CSMD1: variants seen among roughly 807,000 people sequenced by gnomAD.
The protein encoded by CSMD1 is CUB and sushi domain-containing protein 1.
A neutral mutation model predicts 417.5 loss-of-function variants in CSMD1; 213 were observed. The observed-to-expected ratio is 0.51, with a 90% CI of 0.46 to 0.57. The LOEUF (loss-of-function observed/expected upper bound fraction) is 0.57. Among genes scored for constraint, CSMD1 ranks in the 20% least tolerant of loss-of-function variants. CSMD1 has a pLI of 0.00. For missense variants in CSMD1, 6,923 were observed against 4,529.7 expected (o/e 1.53, Z -15.17); for synonymous variants, 2,862 against 1,736.8 (o/e 1.65, Z -16.11).
intron 7 of CSMD1, among the ~76,000 whole-genome samples, chr8:3,666,536 G>A (rs1368940151): frequency 2.0e-5 from 3 of 152,118 alleles, no homozygotes; most frequent in East Asian, 3.9e-4. Context: ...TTTTTTGAAA[G>A]CTGCCTGATA....
At chr8:3,825,390 G>A (rs1281037955) in intron 5 of CSMD1, among the ~76,000 whole-genome samples, 2 of 152,126 alleles carry the variant, frequency 1.3e-5, no homozygotes, top group Non-Finnish European at 1.5e-5. Context: ...TTAGCCAGGG[G>A]TGGTGGTAGG....
chr8:4,588,602 C>T (rs535778858), intron 2 of CSMD1, among the ~76,000 whole-genome samples: 2 of 151,866 alleles, frequency 1.3e-5, no homozygotes, highest in East Asian at 3.9e-4. Context: ...CTGGTTAACA[C>T]GGTGAAACCC....
chr8:4,194,009 T>A (rs986877166), intron 3 of CSMD1, among the ~76,000 whole-genome samples: 5 of 152,158 alleles, frequency 3.3e-5, no homozygotes, highest in African/African-American at 1.2e-4. Flanking sequence ...CCCTTCATAA[T>A]GTTTTTGATA....
chr8:3,658,078 A>G (rs1185204872), intron 7 of CSMD1, among the ~76,000 whole-genome samples: 2 of 152,210 alleles, frequency 1.3e-5, no homozygotes, highest in South Asian at 4.1e-4. Context: ...GGCATTCAGC[A>G]CTGATTATCA....
chr8:4,476,195 A>C (rs1800794664), intron 2 of CSMD1, among the ~76,000 whole-genome samples: 1 of 152,168 alleles, frequency 6.6e-6, no homozygotes, highest in Non-Finnish European at 1.5e-5. Flanking sequence ...CATAACTGAT[A>C]ATTTCTTTTT....
At chr8:4,747,473 A>G (rs1811033996) in intron 1 of CSMD1, among the ~76,000 whole-genome samples, 2 of 152,194 alleles carry the variant, frequency 1.3e-5, no homozygotes, top group African/African-American at 4.8e-5. Context: ...GAAAGAGAAG[A>G]GAAAATGCCC....
At position 3,634,740 on chromosome 8, in the gene CSMD1, G is replaced by A. The variant is rs1163380620; in HGVS notation, c.1010-17943C>T. ...ACTCAGCCTTTCTGGATTGAGCCAT[G>A]ATTAAGGCACACAGTTTGATTGCTT... On this transcript the variant is annotated intron_variant, in intron 7 of 69. Transcript: ENST00000635120. 3.3e-5 allele frequency among the ~76,000 whole-genome samples: 5 copies of A among 152,270 alleles called. 1 individual carries two copies. The highest frequency in any genetic ancestry group is 3.9e-4 in the East Asian group (2 of 5,170).
At chr8:3,475,151 A>T (rs1817332978) in intron 11 of CSMD1, among the ~76,000 whole-genome samples, 1 of 151,868 alleles carries the variant, frequency 6.6e-6, no homozygotes, top group Non-Finnish European at 1.5e-5. Context: ...GACTCTGAGG[A>T]TTCTCGCTGG....
intron 3 of CSMD1, among the ~76,000 whole-genome samples, chr8:4,390,399 G>C (rs1803761175): frequency 1.3e-5 from 2 of 152,060 alleles, no homozygotes; most frequent in African/African-American, 4.8e-5. Context: ...AATGTAACAG[G>C]AGAAATAAAA....
chr8:4,902,083 T>C (rs1382048637), intron 1 of CSMD1, among the ~76,000 whole-genome samples: 1 of 152,190 alleles, frequency 6.6e-6, no homozygotes, highest in African/African-American at 2.4e-5. Flanking sequence ...TATGTGTATA[T>C]TTGTTGATTT....
At chr8:3,492,986 G>A (rs1056452371) in intron 11 of CSMD1, among the ~76,000 whole-genome samples, 1 of 152,236 alleles carries the variant, frequency 6.6e-6, no homozygotes, top group African/African-American at 2.4e-5. Context: ...GGGAAGCAGA[G>A]GAGAGAGGTT....
intron 3 of CSMD1, among the ~76,000 whole-genome samples, chr8:4,090,166 T>G (rs1800640967): frequency 6.6e-6 from 1 of 152,194 alleles, no homozygotes; most frequent in South Asian, 2.1e-4. Flanking sequence ...TTGATACTGT[T>G]TTGAGTGTAA....
intron 23 of CSMD1, among the ~76,000 whole-genome samples, chr8:3,317,657 G>C (rs1044033591): frequency 6.6e-6 from 1 of 152,196 alleles, no homozygotes; most frequent in East Asian, 1.9e-4. Context: ...GGTAGAACCA[G>C]CCTACAGTTA....
At chr8:4,582,647 G>C (rs1334532080) in intron 2 of CSMD1, among the ~76,000 whole-genome samples, 2 of 152,224 alleles carry the variant, frequency 1.3e-5, no homozygotes, top group Non-Finnish European at 2.9e-5. Context: ...CCCTCATAGT[G>C]AGAGGTGACA....
rs566959285 is a variant in CSMD1, at chr8:3,771,962, A to G, written c.819-17920T>C. Among the ~76,000 whole-genome samples the G allele has an allele frequency of 2.5e-3, 381 of 152,150 alleles. 2 individuals carry two copies. The highest frequency in any genetic ancestry group is 2.9e-3 in the Non-Finnish European group (200 of 68,014). The stretch of plus-strand genomic sequence containing the variant: ...AGCCGTGTAATGTCTACTGGCATTC[A>G]GCAATTACAGCATTTATCCAATTCT... On this transcript the variant is annotated intron_variant, in intron 5 of 69. Transcript: ENST00000635120.
At chr8:4,968,657 G>A (rs1563896844) in intron 1 of CSMD1, among the ~76,000 whole-genome samples, 1 of 152,118 alleles carries the variant, frequency 6.6e-6, no homozygotes, top group Non-Finnish European at 1.5e-5. Flanking sequence ...AACAGCTAGT[G>A]TGGTTCAAAA....
chr8:3,233,418 C>A (rs899048480), intron 26 of CSMD1, among the ~76,000 whole-genome samples: 1 of 152,194 alleles, frequency 6.6e-6, no homozygotes, highest in South Asian at 2.1e-4. Flanking sequence ...CGACCTTGGA[C>A]TTCTCAGCCA....
intron 3 of CSMD1, among the ~76,000 whole-genome samples, chr8:4,411,352 T>C (rs1585033941): frequency 6.6e-6 from 1 of 152,252 alleles, no homozygotes; most frequent in East Asian, 1.9e-4. Flanking sequence ...AAGAGCACCT[T>C]GATTTCTTAC....
At chr8:4,587,637 G>A (rs945570967) in intron 2 of CSMD1, among the ~76,000 whole-genome samples, 8 of 152,038 alleles carry the variant, frequency 5.3e-5, no homozygotes, top group Admixed American at 2.6e-4. Flanking sequence ...TCATGATCAC[G>A]ATCTCATTTA....
Sources: allele counts gnomAD v4.1 joint callset (sites outside exome capture counted in the v4.1 genomes callset), GRCh38; gene constraint gnomAD v4.1.1; transcripts MANE v1.5; gene names NCBI Gene and HGNC (gene_info 2026-07-23, HGNC 2026-07-21).